The following TEX10 variants were observed in gnomAD, a reference collection of about 807,000 sequenced individuals.
TEX10 encodes the protein testis-expressed protein 10.
In TEX10, 24 loss-of-function variants were observed where a neutral mutation model predicts 104.4. The ratio of observed to expected loss-of-function variants is 0.23; its 90% CI spans 0.17 to 0.32. The LOEUF (loss-of-function observed/expected upper bound fraction) is 0.32, where lower values mean the gene tolerates loss of function less well. Among genes scored for constraint, TEX10 ranks in the 10% least tolerant of loss-of-function variants. The pLI is 1.00. For missense variants in TEX10, 921 were observed against 1,083.9 expected (o/e 0.85, Z 2.11); for synonymous variants, 396 against 393.4 (o/e 1.01, Z -0.08).
At position 100,308,689 on chromosome 9, in the gene TEX10, G is replaced by C; in HGVS notation, c.2284-8C>G. ...AATTACAGTCAACCCAACCTAAGCA[G>C]AGAAAAACGAGATTAATCACCTCTT... On this transcript the variant is annotated splice_region_variant and splice_polypyrimidine_tract_variant and intron_variant, in intron 12 of 14. Transcript: ENST00000374902. 1 of 1,572,792 alleles carries C rather than the reference G, an allele frequency of 6.4e-7. No individual in the cohort carries two copies. Among genetic ancestry groups the C allele is most frequent in the Non-Finnish European group, 8.6e-7 (1 of 1,162,324 alleles).
At position 100,321,832 on chromosome 9, in the gene TEX10, G is replaced by A. The variant is rs926934744; in HGVS notation, c.1980-61C>T. ...GACCAACTTGACAGACTTGTCAAAG[G>A]TAGCACAGTATATAACCATTGTTCT... On this transcript the variant is annotated intron_variant, in intron 9 of 14. Coordinates refer to ENST00000374902, the MANE Select transcript of TEX10 (RefSeq NM_017746.4). The A allele has an allele frequency of 3.0e-5, 37 of 1,239,324 alleles. No individual in the cohort carries two copies. The South Asian group carries it at 3.9e-4, about 13-fold the overall frequency. 76.8% of individuals were successfully genotyped at this position (1,239,324 alleles called of 1,614,324 possible).
At chr9:100,341,530 T>C (rs1291098832) in intron 4 of TEX10, among the ~76,000 whole-genome samples, 1 of 152,182 alleles carries the variant, frequency 6.6e-6, no homozygotes, top group South Asian at 2.1e-4. Context: ...TTGACTCCTC[T>C]TTCCTTCATT....
At chr9:100,319,445 T>C (rs982119997) in intron 11 of TEX10, among the ~76,000 whole-genome samples, 24 of 152,080 alleles carry the variant, frequency 1.6e-4, no homozygotes, top group Non-Finnish European at 3.4e-4. Flanking sequence ...AATAAAAAAA[T>C]TAGGTTTGTA....
chr9:100,348,203 C>T (rs1275677554), intron 2 of TEX10, among the ~76,000 whole-genome samples: 1 of 152,190 alleles, frequency 6.6e-6, no homozygotes, highest in East Asian at 1.9e-4. Flanking sequence ...CATTTATATG[C>T]ACTTTCTAGA....
intron 10 of TEX10, 121 bp downstream of exon 10, chr9:100,321,562 A>T: frequency 1.3e-6 from 1 of 751,344 alleles, no homozygotes; most frequent in Non-Finnish European, 2.2e-6. Context: ...AAATCACTCC[A>T]AGATAGAATA....
intron 6 of TEX10, among the ~76,000 whole-genome samples, chr9:100,329,568 GA>G (rs894234382): frequency 3.3e-5 from 5 of 152,060 alleles, no homozygotes; most frequent in African/African-American, 9.7e-5. Context: ...TAAAATCAAA[GA>G]ATTAGTAAGT....
intron 13 of TEX10, chr9:100,304,092 TCACAGATGA>T: frequency 1.9e-6 from 1 of 535,878 alleles, no homozygotes; most frequent in Non-Finnish European, 3.4e-6. Flanking sequence ...CTGAGAGAAA[TCACAGATGA>T]CACAGATAAA....
chr9:100,310,207 C>T (rs1834239091), intron 12 of TEX10, 92 bp downstream of exon 12: 1 of 1,004,780 alleles, frequency 1.0e-6, no homozygotes, highest in Non-Finnish European at 1.5e-6. Flanking sequence ...TCTTAGAATT[C>T]CAGACATGCT....
In TEX10 at chr9:100,346,766, T is replaced by G. The variant is rs937371581; in HGVS notation, c.821A>C (p.Asn274Thr). 3.7e-6 allele frequency: 6 copies of G among 1,614,084 alleles called. No individual in the cohort carries two copies. Among genetic ancestry groups the G allele is most frequent in the Non-Finnish European group, 4.2e-6 (5 of 1,180,024 alleles). ...ATAAACCTGGATGTGTTGCTGGTCG[T>G]TGGCATGTTCCTTCCAGTTGATAAA... Reference protein sequence around the residue: ...SIFINWKEHANDQQHIQVYEN... With the variant: ...SIFINWKEHATDQQHIQVYEN... The change falls in exon 3 of 15, where the codon AAC becomes ACC. Residue 274 changes from asparagine to threonine, a missense_variant. Physicochemically the swap from Asn to Thr is moderately conservative, Grantham distance 65. Around this residue, in one of 3 missense-constraint regions of TEX10, gnomAD observed 753 missense variants for 868.4 expected, o/e 0.87. Transcript: ENST00000374902.
At chr9:100,318,844 AC>A (rs1171417765) in intron 11 of TEX10, among the ~76,000 whole-genome samples, 2 of 152,050 alleles carry the variant, frequency 1.3e-5, no homozygotes, top group African/African-American at 4.8e-5. Context: ...CAGGAGGATC[AC>A]TTGAGCCCAG....
intron 5 of TEX10, among the ~76,000 whole-genome samples, chr9:100,331,802 C>A (rs1165182327): frequency 1.3e-5 from 2 of 152,158 alleles, no homozygotes; most frequent in Non-Finnish European, 2.9e-5. Flanking sequence ...AAGCAGCACT[C>A]CAGACAAGAG....
At chr9:100,337,826 C>T (rs1273595803) in intron 5 of TEX10, among the ~76,000 whole-genome samples, 6 of 152,184 alleles carry the variant, frequency 3.9e-5, no homozygotes, top group Non-Finnish European at 7.3e-5. Context: ...ACCATATCCA[C>T]GTTCATACCC....
At chr9:100,326,024 C>T (rs1178375399) in intron 9 of TEX10, among the ~76,000 whole-genome samples, 3 of 152,110 alleles carry the variant, frequency 2.0e-5, no homozygotes, top group Admixed American at 1.3e-4. Context: ...GTTTGAAGTA[C>T]GACACCATCA....
intron 10 of TEX10, 57 bp downstream of exon 10, chr9:100,321,626 G>C: frequency 7.4e-7 from 1 of 1,356,972 alleles, no homozygotes; most frequent in Non-Finnish European, 1.0e-6. Flanking sequence ...CTTAGAAGGA[G>C]AATTGTGATT....
intron 9 of TEX10, among the ~76,000 whole-genome samples, chr9:100,325,278 C>T (rs369907127): frequency 3.3e-5 from 5 of 152,328 alleles, no homozygotes; most frequent in South Asian, 4.1e-4. Flanking sequence ...ACCAGTAATA[C>T]TGCTGAATAC....
Position 100,349,223 on chromosome 9 carries a change from A to G in TEX10, c.141T>C (p.Asp47=). Residue 47 remains aspartate (D), a synonymous_variant, in exon 2 of 15, where the codon GAT becomes GAC. Transcript: ENST00000374902. The part of the protein sequence containing the change: ...TIHLPEQLKE[D]GTLPTNNRKL... ...TTCTATTGTTTGTTGGAAGTGTTCC[A>G]TCCTCTTTGAGTTGCTCAGGCAGAT... 6.4e-7 allele frequency: 1 copy of G among 1,574,108 alleles called. No individual in the cohort carries two copies. Among genetic ancestry groups the G allele is most frequent in the Non-Finnish European group, 8.6e-7 (1 of 1,166,300 alleles).
chr9:100,331,611 T>C (rs1226872191), intron 5 of TEX10, among the ~76,000 whole-genome samples: 2 of 152,312 alleles, frequency 1.3e-5, no homozygotes, highest in East Asian at 3.9e-4. Flanking sequence ...GCATCAAATG[T>C]TAAGACCCGG....
intron 11 of TEX10, 84 bp downstream of exon 11, chr9:100,320,181 C>T: frequency 7.9e-7 from 1 of 1,264,640 alleles, no homozygotes; most frequent in East Asian, 2.6e-5. Flanking sequence ...AGATCTCACA[C>T]AAGGCAACTC....
intron 5 of TEX10, among the ~76,000 whole-genome samples, chr9:100,333,464 TG>T (rs1834923245): frequency 6.6e-6 from 1 of 152,104 alleles, no homozygotes. Context: ...AAAATGATTC[TG>T]AAGTCTATAT....
Sources: allele counts gnomAD v4.1 joint callset (sites outside exome capture counted in the v4.1 genomes callset), GRCh38; gene constraint gnomAD v4.1.1; regional missense constraint gnomAD v4.1.1; transcripts MANE v1.5; gene names NCBI Gene and HGNC (gene_info 2026-07-23, HGNC 2026-07-21).